The following LAMA1 variants were observed in gnomAD, a reference collection of about 807,000 sequenced individuals.
The protein encoded by LAMA1 is laminin subunit alpha-1.
LAMA1 carries 219 observed loss-of-function variants against 348.7 expected under a neutral mutation model. The ratio of observed to expected loss-of-function variants is 0.63; its 90% confidence interval spans 0.56 to 0.70. The LOEUF is 0.70. Ranked by LOEUF, LAMA1 falls within the 30% of genes least tolerant of loss-of-function variation. The probability of loss-of-function intolerance (pLI) is 0.00; values close to 1 mark genes in which losing one functional copy is unlikely to be tolerated. For synonymous variants in LAMA1, 1,487 were observed against 1,491.0 expected, an observed-to-expected ratio of 1.00 and a Z score of 0.06; for missense variants, 3,744 against 3,888.0, an observed-to-expected ratio of 0.96 and a Z score of 0.99.
chr18:6,961,072 T>C (rs933565153), intron 53 of LAMA1, among the ~76,000 whole-genome samples: 2 of 152,232 alleles, frequency 1.3e-5, no homozygotes, highest in South Asian at 2.1e-4. Context: ...ATATCACCTA[T>C]GCTCTTGAAA....
At chr18:6,966,391 G>A in intron 48 of LAMA1, 94 bp from the exon 49 acceptor site, 2 of 1,044,142 alleles carry the variant, frequency 1.9e-6, no homozygotes, top group Non-Finnish European at 1.5e-6. Context: ...AAAGATCACT[G>A]TAGAGCTATT....
At chr18:7,041,144 A>G (rs999255697) in intron 9 of LAMA1, among the ~76,000 whole-genome samples, 1 of 151,944 alleles carries the variant, frequency 6.6e-6, no homozygotes, top group African/African-American at 2.4e-5. Context: ...GTAAATTATA[A>G]AACTGTTTTG....
intron 3 of LAMA1, among the ~76,000 whole-genome samples, chr18:7,065,544 T>C (rs2058119400): frequency 2.6e-5 from 4 of 151,940 alleles, no homozygotes; most frequent in African/African-American, 9.7e-5. Context: ...CTGGGCAGCA[T>C]GGCAAAACCT....
intron 1 of LAMA1, among the ~76,000 whole-genome samples, chr18:7,117,407 G>GAC (rs1349803032): frequency 0.64 from 97,101 of 151,868 alleles, 31,693 homozygotes; most frequent in East Asian, 0.99. Flanking sequence ...GGCGAGGCTG[G>GAC]GCTTTAACCC....
intron 1 of LAMA1, among the ~76,000 whole-genome samples, chr18:7,110,842 A>G (rs1003362351): frequency 6.6e-6 from 1 of 151,708 alleles, no homozygotes; most frequent in Non-Finnish European, 1.5e-5. Context: ...CAAAGAAAAA[A>G]GTATGGTGTA....
At chr18:7,001,673 T>C (rs1280975568) in intron 30 of LAMA1, among the ~76,000 whole-genome samples, 1 of 152,230 alleles carries the variant, frequency 6.6e-6, no homozygotes, top group Non-Finnish European at 1.5e-5. Flanking sequence ...TTCTAAGCAA[T>C]AATAAAATAT....
Position 7,080,374 on chromosome 18 carries a change from AC to A in LAMA1, c.144del (p.Met48IlefsTer39). ...GGCACATGCTCCACAAGTTTGCAGAACATCTCCGGCCCCTTCTCGCCACAGG... is the reference window on the plus strand; with the variant it reads ...GGCACATGCTCCACAAGTTTGCAGAAATCTCCGGCCCCTTCTCGCCACAGG... ...NATCGEKGPE[M>X]FCKLVEHVPG... On this transcript the variant is annotated frameshift_variant, in exon 2 of 63. Coordinates refer to ENST00000389658, the MANE Select transcript of LAMA1 (RefSeq NM_005559.4). LOFTEE classifies it high-confidence loss of function. 1 of 1,614,268 alleles carries A rather than the reference AC, an allele frequency of 6.2e-7. No individual in the cohort carries two copies. Among genetic ancestry groups the A allele is most frequent in the Non-Finnish European group, 8.5e-7 (1 of 1,180,056 alleles).
At position 7,026,037 on chromosome 18, in the gene LAMA1, G is replaced by A. The variant is rs374851540; in HGVS notation, c.2344C>T (p.Arg782Ter). The stretch of plus-strand genomic sequence containing the variant: ...GGCTGGCAGTCCCCAGGTGTCCCTC[G>A]GGAAGGCTCCCCGTAGAAGCCGGGC... ...CLPGFYGEPS[R>*]GTPGDCQPCA... Residue 782 changes from arginine (R) to a stop codon, truncating the protein, a stop_gained, in exon 17 of 63, where the codon CGA becomes TGA. Coordinates refer to ENST00000389658, the MANE Select transcript of LAMA1 (RefSeq NM_005559.4). LOFTEE classifies it high-confidence loss of function. 320 of 1,609,830 alleles carry A rather than the reference G, an allele frequency of 2.0e-4. No homozygotes were observed. Among genetic ancestry groups the A allele is most frequent in the Non-Finnish European group, 2.6e-4 (311 of 1,178,034 alleles).
Position 7,117,565 on chromosome 18 carries a change from A to C in LAMA1, c.61+95T>G, listed in dbSNP as rs573121479. 552 of 1,318,168 alleles carry C rather than the reference A, an allele frequency of 4.2e-4. 5 individuals carry two copies. The African/African-American group carries it at 7.6e-3, about 18-fold the overall frequency. The allele number at this position is 1,318,168 out of a possible 1,614,324, so 81.7% of individuals were successfully genotyped here. ...GAGGTGGATCAGGATGCGCGCCCGG[A>C]CTCCAGCAGCCCCAACGCGACGGGC... On this transcript the variant is annotated intron_variant, in intron 1 of 62. Transcript: ENST00000389658.
chr18:6,998,755 G>A (rs1445900763), intron 32 of LAMA1, among the ~76,000 whole-genome samples: 9 of 152,128 alleles, frequency 5.9e-5, no homozygotes, highest in African/African-American at 1.9e-4. Context: ...ACGACAGGCC[G>A]GGCATGGTGG....
chr18:7,079,022 T>A (rs1211188255), intron 3 of LAMA1, among the ~76,000 whole-genome samples: 1 of 151,880 alleles, frequency 6.6e-6, no homozygotes, highest in Admixed American at 6.6e-5. Context: ...TAAAAAAAAA[T>A]TCCTGCACAT....
intron 1 of LAMA1, among the ~76,000 whole-genome samples, chr18:7,109,520 C>G (rs1027134455): frequency 7.2e-5 from 11 of 152,140 alleles, no homozygotes; most frequent in African/African-American, 2.2e-4. Flanking sequence ...AACAGGCCAT[C>G]ACATCGAGGC....
At chr18:7,049,010 A>T in intron 5 of LAMA1, 68 bp downstream of exon 5, 2 of 1,476,866 alleles carry the variant, frequency 1.4e-6, no homozygotes, top group Non-Finnish European at 1.9e-6. Context: ...AAAGAAGAAA[A>T]ATAATAGTTC....
At chr18:7,018,110 C>T (rs1396189051) in intron 19 of LAMA1, among the ~76,000 whole-genome samples, 2 of 151,916 alleles carry the variant, frequency 1.3e-5, no homozygotes, top group Non-Finnish European at 2.9e-5. Context: ...ACAAGGAAGG[C>T]GGATCACCTG....
intron 37 of LAMA1, 81 bp downstream of exon 37, chr18:6,986,056 C>T (rs1281880765): frequency 5.3e-6 from 8 of 1,514,470 alleles, no homozygotes; most frequent in Non-Finnish European, 7.3e-6. Context: ...CCCAGCCAGG[C>T]CAGGGCTCAC....
chr18:7,098,563 C>T (rs1267949322), intron 1 of LAMA1, among the ~76,000 whole-genome samples: 2 of 149,006 alleles, frequency 1.3e-5, no homozygotes, highest in African/African-American at 5.0e-5. Flanking sequence ...AGGTGAGGAG[C>T]ATCTCTGCCC....
chr18:7,095,295 G>A (rs1161035714), intron 1 of LAMA1, among the ~76,000 whole-genome samples: 1 of 152,010 alleles, frequency 6.6e-6, no homozygotes, highest in Middle Eastern at 3.2e-3. Context: ...CAAAACCCAG[G>A]CTGGACCACA....
At chr18:6,998,241 G>GA (rs2057791760) in intron 32 of LAMA1, among the ~76,000 whole-genome samples, 1 of 152,178 alleles carries the variant, frequency 6.6e-6, no homozygotes, top group African/African-American at 2.4e-5. Flanking sequence ...GAGCAAGCAT[G>GA]AAAAACAGCA....
At chr18:7,061,693 T>A (rs1180606493) in intron 3 of LAMA1, among the ~76,000 whole-genome samples, 1 of 152,122 alleles carries the variant, frequency 6.6e-6, no homozygotes, top group Non-Finnish European at 1.5e-5. Context: ...GGCTCACAAA[T>A]CTGTCATGGA....
Sources: allele counts gnomAD v4.1 joint callset (sites outside exome capture counted in the v4.1 genomes callset), GRCh38; gene constraint gnomAD v4.1.1; transcripts MANE v1.5; gene names NCBI Gene and HGNC (gene_info 2026-07-23, HGNC 2026-07-21).